The following RNF182 variants were observed in gnomAD, a reference collection of about 807,000 sequenced individuals.
The protein encoded by RNF182 is E3 ubiquitin-protein ligase RNF182.
RNF182 carries 15 observed loss-of-function variants against 14.4 expected under a neutral mutation model. The ratio of observed to expected loss-of-function variants is 1.04; its 90% CI spans 0.70 to 1.60. The LOEUF is 1.60. Among genes scored for constraint, RNF182 ranks in the 40% most tolerant of loss-of-function variants. The pLI, the probability that RNF182 is intolerant of heterozygous loss-of-function variation, is 0.00. For synonymous variants in RNF182, 128 were observed against 122.9 expected, an observed-to-expected ratio of 1.04 and a Z score of -0.27; for missense variants, 268 against 294.8, an observed-to-expected ratio of 0.91 and a Z score of 0.67.
intron 1 of RNF182, among the ~76,000 whole-genome samples, chr6:13,957,663 CT>C (rs1309571196): frequency 6.6e-6 from 1 of 152,120 alleles, no homozygotes; most frequent in African/African-American, 2.4e-5. Flanking sequence ...TGGTTTGTGA[CT>C]TTGTTTTTAT....
In RNF182 at chr6:13,978,052, G is replaced by A. The variant is rs1365876313; in HGVS notation, c.*189G>A. 3.2e-6 allele frequency: 2 copies of A among 623,112 alleles called. No homozygotes were observed. Among genetic ancestry groups the A allele is most frequent in the Non-Finnish European group, 5.5e-6 (2 of 365,304 alleles). 38.6% of individuals were successfully genotyped at this position (623,112 alleles called of 1,614,324 possible). On this transcript the variant is annotated 3_prime_UTR_variant, in exon 3 of 3. Coordinates refer to ENST00000488300, the MANE Select transcript of RNF182 (RefSeq NM_152737.4). The stretch of plus-strand genomic sequence containing the variant: ...TAAAAATGTTCATTTCTACTTAGGG[G>A]TTAGCAAAATTGTATAAGCTCACAC...
intron 1 of RNF182, among the ~76,000 whole-genome samples, chr6:13,948,177 TG>T (rs1561780117): frequency 6.6e-6 from 1 of 152,208 alleles, no homozygotes; most frequent in Non-Finnish European, 1.5e-5. Context: ...CCAAGAGTCT[TG>T]GAAGTTTTTC....
At chr6:13,961,199 C>G (rs145414766) in intron 1 of RNF182, among the ~76,000 whole-genome samples, 6 of 152,306 alleles carry the variant, frequency 3.9e-5, no homozygotes, top group Non-Finnish European at 7.4e-5. Flanking sequence ...TATCTATAGA[C>G]AGAAAACCTG....
At chr6:13,935,052 G>C (rs1214151400) in intron 1 of RNF182, among the ~76,000 whole-genome samples, 1 of 152,224 alleles carries the variant, frequency 6.6e-6, no homozygotes, top group African/African-American at 2.4e-5. Context: ...CTAGGACTTT[G>C]TGTAGAGATG....
At chr6:13,974,466 A>T (rs1760273591) in intron 2 of RNF182, 102 bp downstream of exon 2, 1 of 152,244 alleles carries the variant, frequency 6.6e-6, no homozygotes, top group Non-Finnish European at 1.5e-5. Context: ...CATTATAATC[A>T]CATAACACTC....
At chr6:13,951,700 C>T (rs894588021) in intron 1 of RNF182, among the ~76,000 whole-genome samples, 3 of 152,150 alleles carry the variant, frequency 2.0e-5, no homozygotes, top group Admixed American at 6.5e-5. Context: ...TTCTGGGTTA[C>T]CTTTCTCTGA....
intron 1 of RNF182, among the ~76,000 whole-genome samples, chr6:13,951,102 T>C (rs1272167346): frequency 6.6e-6 from 1 of 152,234 alleles, no homozygotes; most frequent in Non-Finnish European, 1.5e-5. Flanking sequence ...CAGCCACTTA[T>C]TTTTCTTTAA....
At chr6:13,926,424 A>C (rs1758826743) in intron 1 of RNF182, among the ~76,000 whole-genome samples, 1 of 152,220 alleles carries the variant, frequency 6.6e-6, no homozygotes, top group East Asian at 1.9e-4. Context: ...CAGTCTGTTC[A>C]TATTTGCCAG....
At chr6:13,933,593 T>G (rs894074543) in intron 1 of RNF182, among the ~76,000 whole-genome samples, 2 of 152,244 alleles carry the variant, frequency 1.3e-5, no homozygotes, top group African/African-American at 4.8e-5. Flanking sequence ...AAAATTACCA[T>G]AATTTCAACA....
chr6:13,933,676 T>C (rs1040301030), intron 1 of RNF182, among the ~76,000 whole-genome samples: 6 of 152,206 alleles, frequency 3.9e-5, no homozygotes, highest in African/African-American at 1.4e-4. Context: ...GAATCTGATA[T>C]GCATTTTACA....
intron 1 of RNF182, among the ~76,000 whole-genome samples, chr6:13,926,835 G>A (rs1314852526): frequency 6.6e-6 from 1 of 150,944 alleles, no homozygotes; most frequent in Non-Finnish European, 1.5e-5. Flanking sequence ...GCTTTATTCA[G>A]ATCTTTGTTA....
At chr6:13,958,553 A>G (rs903427300) in intron 1 of RNF182, among the ~76,000 whole-genome samples, 1 of 152,158 alleles carries the variant, frequency 6.6e-6, no homozygotes, top group Non-Finnish European at 1.5e-5. Context: ...AGACATTTCA[A>G]TATATTTATA....
At chr6:13,954,123 G>C (rs1759670772) in intron 1 of RNF182, among the ~76,000 whole-genome samples, 1 of 152,050 alleles carries the variant, frequency 6.6e-6, no homozygotes, top group Non-Finnish European at 1.5e-5. Context: ...GGCCAATCTT[G>C]CTTCATTTAT....
At chr6:13,943,633 C>T (rs904993777) in intron 1 of RNF182, among the ~76,000 whole-genome samples, 1 of 152,134 alleles carries the variant, frequency 6.6e-6, no homozygotes, top group African/African-American at 2.4e-5. Context: ...CAATGTCTTG[C>T]TCATTGTTAG....
At chr6:13,968,941 A>G (rs1760105796) in intron 1 of RNF182, among the ~76,000 whole-genome samples, 1 of 152,244 alleles carries the variant, frequency 6.6e-6, no homozygotes, top group South Asian at 2.1e-4. Context: ...CTCAACGTCA[A>G]GTACAGCATG....
At chr6:13,964,851 G>A (rs1011985235) in intron 1 of RNF182, among the ~76,000 whole-genome samples, 24 of 152,306 alleles carry the variant, frequency 1.6e-4, no homozygotes, top group Admixed American at 3.9e-4. Flanking sequence ...AGTTGGGTGC[G>A]TCCTTTGGAG....
rs566140945 is a variant in RNF182, at chr6:13,978,270, C to T, written c.*407C>T. The T allele has an allele frequency of 1.5e-4, 27 of 179,946 alleles. No homozygotes were observed. Among genetic ancestry groups the T allele is most frequent in the African/African-American group, 5.7e-4 (24 of 41,742 alleles). 11.1% of individuals were successfully genotyped at this position (179,946 alleles called of 1,614,324 possible). A position where few individuals can be genotyped will look rare whatever the true frequency, so the allele number is the denominator to read the frequency against. On this transcript the variant is annotated 3_prime_UTR_variant, in exon 3 of 3. Coordinates refer to ENST00000488300, the MANE Select transcript of RNF182 (RefSeq NM_152737.4). ...GTTGCTCTGAGACACAAAGTGTGTACTCCTTTCCCACCCCATACCCCTGGT... is the reference window on the plus strand; with the variant it reads ...GTTGCTCTGAGACACAAAGTGTGTATTCCTTTCCCACCCCATACCCCTGGT...
chr6:13,926,073 T>A (rs1054092365), intron 1 of RNF182, among the ~76,000 whole-genome samples: 1 of 152,192 alleles, frequency 6.6e-6, no homozygotes, highest in Non-Finnish European at 1.5e-5. Flanking sequence ...ATTGTATATA[T>A]GTTAATAAGA....
intron 1 of RNF182, among the ~76,000 whole-genome samples, chr6:13,954,841 G>C (rs1196981822): frequency 2.6e-5 from 4 of 152,166 alleles, no homozygotes; most frequent in African/African-American, 9.7e-5. Flanking sequence ...CAGGTAATGA[G>C]AACCTGAGGT....
Sources: gnomAD v4.1 joint callset for allele counts (sites outside exome capture counted in the v4.1 genomes callset) on GRCh38, gnomAD v4.1.1 for gene constraint, MANE v1.5 for transcripts, NCBI Gene and HGNC (gene_info 2026-07-23, HGNC 2026-07-21) for gene names.